The following TMEM45B variants were observed in gnomAD, a reference collection of about 807,000 sequenced individuals.
TMEM45B encodes the protein transmembrane protein 45B.
TMEM45B carries 29 observed loss-of-function variants against 27.3 expected under a neutral mutation model. That is an observed-to-expected ratio of 1.06 (90% confidence interval 0.79 to 1.45). The LOEUF (loss-of-function observed/expected upper bound fraction) is 1.45, where lower values mean the gene tolerates loss of function less well. Ranked by LOEUF, TMEM45B falls within the 40% of genes most tolerant of loss-of-function variation. The pLI is 0.00. For synonymous variants in TMEM45B, 143 were observed against 134.7 expected, an observed-to-expected ratio of 1.06 and a Z score of -0.43; for missense variants, 348 against 343.9, an observed-to-expected ratio of 1.01 and a Z score of -0.09.
chr11:129,853,151 G>A (rs185164596), intron 2 of TMEM45B, among the ~76,000 whole-genome samples: 49 of 152,268 alleles, frequency 3.2e-4, no homozygotes, highest in African/African-American at 1.2e-3. Flanking sequence ...TAGCCAGTGG[G>A]AGAGAAAAAG....
At chr11:129,838,836 C>T (rs1947656141) in intron 1 of TMEM45B, among the ~76,000 whole-genome samples, 1 of 152,186 alleles carries the variant, frequency 6.6e-6, no homozygotes, top group Non-Finnish European at 1.5e-5. Context: ...CTGATTCTTC[C>T]ATTCATGTGG....
Position 129,858,749 on chromosome 11 carries a change from C to A in TMEM45B, c.*64C>A. On this transcript the variant is annotated 3_prime_UTR_variant, in exon 6 of 6. Transcript: ENST00000281441. ...TGGAATGAATGGAGTTCATCCCCTC[C>A]ACCTGAATGCCTGCTGTGGTCTGAT... 8.4e-7 allele frequency: 1 copy of A among 1,194,792 alleles called. No homozygotes were observed. Among genetic ancestry groups the A allele is most frequent in the Non-Finnish European group, 1.2e-6 (1 of 833,082 alleles). 74.0% of individuals were successfully genotyped at this position (1,194,792 alleles called of 1,614,324 possible). A position where few individuals can be genotyped will look rare whatever the true frequency, so the allele number is the denominator to read the frequency against.
chr11:129,847,963 G>C (rs1947787589), intron 1 of TMEM45B, among the ~76,000 whole-genome samples: 3 of 152,120 alleles, frequency 2.0e-5, no homozygotes, highest in African/African-American at 4.8e-5. Flanking sequence ...AGTAGGGGCG[G>C]CCGGGCAGAG....
chr11:129,823,359 A>C (rs1012773554), intron 1 of TMEM45B, among the ~76,000 whole-genome samples: 7 of 152,204 alleles, frequency 4.6e-5, no homozygotes, highest in African/African-American at 1.4e-4. Context: ...TTAGCTTCTT[A>C]AGGCCTCTCA....
At chr11:129,836,331 C>G (rs1947619521) in intron 1 of TMEM45B, among the ~76,000 whole-genome samples, 3 of 152,080 alleles carry the variant, frequency 2.0e-5, no homozygotes, top group Non-Finnish European at 4.4e-5. Context: ...TCAAATCTCA[C>G]CCATACCTGG....
intron 2 of TMEM45B, chr11:129,852,971 A>G (rs899612938): frequency 4.4e-6 from 1 of 225,758 alleles, no homozygotes; most frequent in Non-Finnish European, 8.6e-6. Flanking sequence ...AGAGAAAAAA[A>G]CAAAATAGAT....
chr11:129,853,318 C>A (rs1947875486), intron 2 of TMEM45B, among the ~76,000 whole-genome samples: 1 of 152,244 alleles, frequency 6.6e-6, no homozygotes, highest in Admixed American at 6.5e-5. Flanking sequence ...TCAGGACCAG[C>A]CCCACCTGGG....
chr11:129,851,405 G>A (rs181434817), intron 1 of TMEM45B, among the ~76,000 whole-genome samples: 10 of 150,572 alleles, frequency 6.6e-5, no homozygotes, highest in South Asian at 6.3e-4. Flanking sequence ...TTAGCCAGGC[G>A]TGGTGGCGGG....
intron 1 of TMEM45B, among the ~76,000 whole-genome samples, chr11:129,821,044 G>A (rs11827075): frequency 0.04 from 6,047 of 152,048 alleles, 398 homozygotes; most frequent in African/African-American, 0.14. Flanking sequence ...TAAGTTCCCA[G>A]TACGGTTATA....
chr11:129,842,718 T>C (rs2135582998), intron 1 of TMEM45B, among the ~76,000 whole-genome samples: 1 of 152,320 alleles, frequency 6.6e-6, no homozygotes. Context: ...CAGGGAAAGA[T>C]ACATGACATT....
chr11:129,834,140 G>A (rs550168280), intron 1 of TMEM45B, among the ~76,000 whole-genome samples: 134 of 152,166 alleles, frequency 8.8e-4, no homozygotes, highest in African/African-American at 3.2e-3. Context: ...TGATAGAAAT[G>A]TGGACATTAG....
chr11:129,827,321 T>C (rs1233395473), intron 1 of TMEM45B, among the ~76,000 whole-genome samples: 1 of 152,250 alleles, frequency 6.6e-6, no homozygotes, highest in East Asian at 1.9e-4. Flanking sequence ...ATCTAGGCTA[T>C]GCGGTGTATA....
intron 1 of TMEM45B, among the ~76,000 whole-genome samples, chr11:129,836,548 T>TG (rs1947622414): frequency 6.6e-6 from 1 of 152,214 alleles, no homozygotes; most frequent in African/African-American, 2.4e-5. Flanking sequence ...CCTCAGGATG[T>TG]GACTCTTTTG....
At chr11:129,832,263 G>A (rs1280164519) in intron 1 of TMEM45B, among the ~76,000 whole-genome samples, 4 of 148,420 alleles carry the variant, frequency 2.7e-5, no homozygotes, top group South Asian at 2.2e-4. Context: ...CCAGCTACTC[G>A]GGAGGCTGAG....
rs376122479 is a variant in TMEM45B at position 129,840,178 on chromosome 11, TTTG to T, written c.-8-12294_-8-12292del. On this transcript the variant is annotated intron_variant, in intron 1 of 5. Transcript: ENST00000281441. Reference sequence around the variant, plus strand: ...CTAATCTAATGAACTAATCCATTAATTTGTTATTGGAAGAAATATAGCCCATCC... The same window carrying T: ...CTAATCTAATGAACTAATCCATTAATTTATTGGAAGAAATATAGCCCATCC... 5.4e-3 allele frequency among the ~76,000 whole-genome samples: 830 copies of T among 152,340 alleles called. 8 individuals carry two copies. Among genetic ancestry groups the T allele is most frequent in the African/African-American group, 0.017 (701 of 41,576 alleles).
At chr11:129,843,486 C>T (rs1947721179) in intron 1 of TMEM45B, among the ~76,000 whole-genome samples, 1 of 151,536 alleles carries the variant, frequency 6.6e-6, no homozygotes, top group Admixed American at 6.6e-5. Flanking sequence ...CTTCTTTGAC[C>T]CAAAGTTATT....
intron 1 of TMEM45B, among the ~76,000 whole-genome samples, chr11:129,828,892 A>G (rs1057253707): frequency 3.3e-5 from 5 of 152,248 alleles, no homozygotes; most frequent in African/African-American, 1.2e-4. Context: ...TCAAAAGCAA[A>G]GAACAGCAAC....
intron 1 of TMEM45B, among the ~76,000 whole-genome samples, chr11:129,821,990 T>A (rs1947424982): frequency 6.6e-6 from 1 of 152,206 alleles, no homozygotes; most frequent in Admixed American, 6.5e-5. Flanking sequence ...GTTCTTTCTT[T>A]CTGAAACTTA....
chr11:129,835,370 G>T (rs1455585295), intron 1 of TMEM45B, among the ~76,000 whole-genome samples: 1 of 152,172 alleles, frequency 6.6e-6, no homozygotes, highest in Non-Finnish European at 1.5e-5. Flanking sequence ...CATCTGTGGA[G>T]GGCCCTCTTG....
Sources: gnomAD v4.1 joint callset for allele counts (sites outside exome capture counted in the v4.1 genomes callset) on GRCh38, gnomAD v4.1.1 for gene constraint, MANE v1.5 for transcripts, NCBI Gene and HGNC (gene_info 2026-07-23, HGNC 2026-07-21) for gene names.